Variants in RNLS observed in about 807,000 individuals in gnomAD.
RNLS encodes the protein renalase.
In RNLS, 39 loss-of-function variants were observed where a neutral mutation model predicts 39.8. The observed-to-expected ratio is 0.98, with a 90% CI of 0.76 to 1.28. The LOEUF is 1.28. RNLS is among the 50% of genes most tolerant of loss of function. The probability of loss-of-function intolerance (pLI) is 0.00; values close to 1 mark genes in which losing one functional copy is unlikely to be tolerated. For missense variants in RNLS, 410 were observed against 413.3 expected (o/e 0.99, Z 0.07); for synonymous variants, 147 against 150.7 (o/e 0.98, Z 0.18).
intron 4 of RNLS, among the ~76,000 whole-genome samples, chr10:88,530,705 C>T (rs746143374): frequency 6.6e-5 from 10 of 152,096 alleles, no homozygotes; most frequent in Non-Finnish European, 1.0e-4. Flanking sequence ...TTTTCTTAAA[C>T]ATAACTTTTG....
In RNLS at chr10:88,314,618, G is replaced by A; in HGVS notation, c.724C>T (p.Leu242Phe). 2.5e-6 allele frequency: 4 copies of A among 1,613,292 alleles called. No homozygotes were observed. Among genetic ancestry groups the A allele is most frequent in the Non-Finnish European group, 2.5e-6 (3 of 1,179,530 alleles). ...NIESSEIGPSLVIHTTVPFGV... is the reference protein window; with the variant it reads ...NIESSEIGPSFVIHTTVPFGV... Reference sequence around the variant, plus strand: ...AATGGGACAGTGGTGTGAATCACGAGGGAAGGCCCAATTTCTGATGACTCT... The same window carrying A: ...AATGGGACAGTGGTGTGAATCACGAAGGAAGGCCCAATTTCTGATGACTCT... Residue 242 changes from leucine (L) to phenylalanine (F), a missense_variant, in exon 6 of 7, where the codon CTC becomes TTC. Coordinates refer to ENST00000331772, the MANE Select transcript of RNLS (RefSeq NM_001031709.3).
In RNLS at chr10:88,497,129, T is replaced by C. The variant is rs192682667; in HGVS notation, c.526+75774A>G. ...CTGAGGTAAATGGAAAATGAATTAA[T>C]TAATTTTTAAAAATGAGTTCAAAGT... On this transcript the variant is annotated intron_variant, in intron 4 of 6. Coordinates refer to ENST00000331772, the MANE Select transcript of RNLS (RefSeq NM_001031709.3). Among the ~76,000 whole-genome samples the C allele has an allele frequency of 1.6e-4, 25 of 152,194 alleles. No individual in the cohort carries two copies. In the East Asian group the frequency reaches 4.6e-3, roughly 28 times the overall value.
At chr10:88,223,652 T>TA in the RNLS span, among the ~76,000 whole-genome samples, 1 of 152,148 alleles carries the variant, frequency 6.6e-6, no homozygotes, top group African/African-American at 2.4e-5. Context: ...TCTATGGAGA[T>TA]ATGTCTTTTA....
rs188080108 is a variant in RNLS at position 88,427,404 on chromosome 10, G to T, written c.527-64679C>A. ...GAGATTTTGGATAATCCATGTCTCTGCCTCCATCCAAGGGTGGACAATTGT... is the reference window on the plus strand; with the variant it reads ...GAGATTTTGGATAATCCATGTCTCTTCCTCCATCCAAGGGTGGACAATTGT... On this transcript the variant is annotated intron_variant, in intron 4 of 6. Coordinates refer to ENST00000331772, the MANE Select transcript of RNLS (RefSeq NM_001031709.3). Among the ~76,000 whole-genome samples the T allele has an allele frequency of 2.0e-5, 3 of 152,076 alleles. No homozygotes were observed. In the East Asian group the frequency reaches 5.8e-4, roughly 29 times the overall value.
chr10:88,348,344 C>T (rs575945458), intron 5 of RNLS, among the ~76,000 whole-genome samples: 1 of 152,290 alleles, frequency 6.6e-6, no homozygotes, highest in East Asian at 1.9e-4. Context: ...TCAGTCCCCA[C>T]CACATCTGGC....
chr10:88,471,029 T>C (rs1467598523), intron 4 of RNLS, among the ~76,000 whole-genome samples: 3 of 152,150 alleles, frequency 2.0e-5, no homozygotes, highest in South Asian at 2.1e-4. Context: ...GATGGAGTCA[T>C]ATATATCTTA....
chr10:88,274,522 T>C lies in RNLS; in HGVS notation c.*439A>G, dbSNP rs1842741109. ...CATCCATATTGCAGCATGTCAGAATTTCCTTCCCTTTTAAGGCTAAACAAT... is the reference window on the plus strand; with the variant it reads ...CATCCATATTGCAGCATGTCAGAATCTCCTTCCCTTTTAAGGCTAAACAAT... On this transcript the variant is annotated 3_prime_UTR_variant, in exon 7 of 7. Transcript: ENST00000371947. 2 of 157,362 alleles carry C rather than the reference T, an allele frequency of 1.3e-5. 1 individual carries two copies. Among genetic ancestry groups the C allele is most frequent in the Admixed American group, 1.2e-4 (2 of 16,136 alleles). 9.7% of individuals were successfully genotyped at this position (157,362 alleles called of 1,614,324 possible). A position where few individuals can be genotyped will look rare whatever the true frequency, so the allele number is the denominator to read the frequency against.
intron 4 of RNLS, among the ~76,000 whole-genome samples, chr10:88,469,914 A>G (rs1391850911): frequency 7.6e-6 from 1 of 132,088 alleles, no homozygotes; most frequent in Non-Finnish European, 1.8e-5. Flanking sequence ...GAATACATAC[A>G]TACATATATA....
chr10:88,284,817 T>G lies in RNLS; in HGVS notation c.*537A>C, dbSNP rs1158441759. 1.0e-6 allele frequency: 1 copy of G among 985,204 alleles called. No individual in the cohort carries two copies. The highest frequency in any genetic ancestry group is 1.2e-6 in the Non-Finnish European group (1 of 829,860). 61.0% of individuals were successfully genotyped at this position (985,204 alleles called of 1,614,324 possible). ...CCCTCCACACTAAGATGATGACATA[T>G]ATGACCTACAATTCAGGATCACTTA... is the stretch of plus-strand genomic sequence containing the variant. On this transcript the variant is annotated 3_prime_UTR_variant, in exon 7 of 7. Transcript: ENST00000331772.
At chr10:88,408,272 T>G (rs17096268) in intron 4 of RNLS, among the ~76,000 whole-genome samples, 9,483 of 152,158 alleles carry the variant, frequency 0.062, 439 homozygotes, top group African/African-American at 0.12. Context: ...ATAAGCATTA[T>G]GCAATGAGAT....
chr10:88,554,571 C>G (rs1848759583), intron 4 of RNLS, among the ~76,000 whole-genome samples: 1 of 152,006 alleles, frequency 6.6e-6, no homozygotes, highest in African/African-American at 2.4e-5. Context: ...CCTCTTCAAT[C>G]TCAGCTGATG....
At chr10:88,426,656 C>G (rs952701932) in intron 4 of RNLS, among the ~76,000 whole-genome samples, 2 of 152,034 alleles carry the variant, frequency 1.3e-5, no homozygotes, top group African/African-American at 4.8e-5. Context: ...CATGTATTAA[C>G]TCAGTTACCA....
the RNLS span, among the ~76,000 whole-genome samples, chr10:88,223,645 A>G: frequency 6.6e-6 from 1 of 152,184 alleles, no homozygotes; most frequent in East Asian, 1.9e-4. Flanking sequence ...TGTACTTTCT[A>G]TGGAGATATG....
At chr10:88,435,113 G>C (rs1031736109) in intron 4 of RNLS, among the ~76,000 whole-genome samples, 1 of 152,024 alleles carries the variant, frequency 6.6e-6, no homozygotes, top group East Asian at 1.9e-4. Flanking sequence ...AAGCATCTCT[G>C]TGTGACTAGT....
At chr10:88,358,185 T>C (rs1849343913) in intron 5 of RNLS, among the ~76,000 whole-genome samples, 1 of 152,236 alleles carries the variant, frequency 6.6e-6, no homozygotes, top group Non-Finnish European at 1.5e-5. Context: ...ATAAATTTTC[T>C]CAAATTTTAA....
chr10:88,210,927 A>G, the RNLS span, among the ~76,000 whole-genome samples: 2 of 152,128 alleles, frequency 1.3e-5, no homozygotes, highest in African/African-American at 2.4e-5. Flanking sequence ...AGGTTGGCCT[A>G]TGTGTGGTTT....
chr10:88,557,961 A>G lies in RNLS; in HGVS notation c.526+14942T>C, dbSNP rs1433809729. On this transcript the variant is annotated intron_variant, in intron 4 of 6. Transcript: ENST00000331772. ...TTCTGTTATCGAAGAACTCTAAATG[A>G]AAAATAGGGCTCCAAGTTCTAAAAG... 2.6e-5 allele frequency among the ~76,000 whole-genome samples: 4 copies of G among 152,298 alleles called. No individual in the cohort carries two copies. The East Asian group carries it at 7.7e-4, about 29-fold the overall frequency.
At chr10:88,548,671 T>G (rs1848459618) in intron 4 of RNLS, among the ~76,000 whole-genome samples, 1 of 147,708 alleles carries the variant, frequency 6.8e-6, no homozygotes, top group Non-Finnish European at 1.5e-5. Flanking sequence ...TAATATTTAA[T>G]ACATATATAC....
chr10:88,337,604 T>C (rs190972286), intron 5 of RNLS, among the ~76,000 whole-genome samples: 1 of 152,326 alleles, frequency 6.6e-6, no homozygotes, highest in African/African-American at 2.4e-5. Context: ...AAATCCTTGG[T>C]ACTACCTGGT....
Sources: gnomAD v4.1 joint callset for allele counts (sites outside exome capture counted in the v4.1 genomes callset) on GRCh38, gnomAD v4.1.1 for gene constraint, MANE v1.5 for transcripts, NCBI Gene and HGNC (gene_info 2026-07-23, HGNC 2026-07-21) for gene names.